PIEZO2: variants seen among roughly 807,000 people sequenced by gnomAD.
The protein encoded by PIEZO2 is piezo type mechanosensitive ion channel component 2, also known as piezo-type mechanosensitive ion channel component 2.
In PIEZO2, 172 loss-of-function variants were observed where a neutral mutation model predicts 337.3. That is an observed-to-expected ratio of 0.51 (90% CI 0.45 to 0.58). The LOEUF is 0.58. PIEZO2 is among the 20% of genes least tolerant of loss of function. The pLI, the probability that PIEZO2 is intolerant of heterozygous loss-of-function variation, is 0.00. For synonymous variants in PIEZO2, 1,251 were observed against 1,228.5 expected (o/e 1.02, Z -0.38); for missense variants, 3,028 against 3,391.3 (o/e 0.89, Z 2.66).
intron 1 of PIEZO2, among the ~76,000 whole-genome samples, chr18:11,120,873 T>C (rs898195850): frequency 2.0e-5 from 3 of 152,268 alleles, no homozygotes; most frequent in Non-Finnish European, 2.9e-5. Flanking sequence ...CTAAATTTAC[T>C]TGCAATTTTT....
chr18:10,918,746 T>G (rs1294522328), intron 3 of PIEZO2, among the ~76,000 whole-genome samples: 3 of 152,074 alleles, frequency 2.0e-5, no homozygotes, highest in Non-Finnish European at 4.4e-5. Context: ...CCTGCTTTAA[T>G]TACATATTAA....
intron 2 of PIEZO2, among the ~76,000 whole-genome samples, chr18:10,989,920 G>C (rs568340072): frequency 1.3e-5 from 2 of 151,978 alleles, no homozygotes; most frequent in African/African-American, 2.4e-5. Context: ...CTAATTCTCC[G>C]ACCCAGTCAT....
intron 36 of PIEZO2, chr18:10,725,556 G>T (rs367799109): frequency 1.5e-6 from 2 of 1,373,920 alleles, no homozygotes; most frequent in Non-Finnish European, 2.0e-6. Flanking sequence ...TCCCCCTTTT[G>T]TTTCTCCCCT....
intron 5 of PIEZO2, among the ~76,000 whole-genome samples, chr18:10,860,039 T>C (rs963672810): frequency 1.3e-5 from 2 of 152,152 alleles, no homozygotes; most frequent in South Asian, 2.1e-4. Context: ...GGGAGGCAGA[T>C]TGGAGACGGA....
At chr18:11,039,269 G>A (rs911789056) in intron 2 of PIEZO2, among the ~76,000 whole-genome samples, 2 of 152,170 alleles carry the variant, frequency 1.3e-5, no homozygotes, top group Non-Finnish European at 2.9e-5. Flanking sequence ...CACATGCATT[G>A]ACTTTAATTT....
chr18:11,013,751 A>T (rs1363930422), intron 2 of PIEZO2, among the ~76,000 whole-genome samples: 2 of 152,216 alleles, frequency 1.3e-5, no homozygotes, highest in South Asian at 2.1e-4. Flanking sequence ...GAGACCTAAT[A>T]AGAAACTAAA....
rs1433720276 is a variant in PIEZO2, at chr18:10,813,969, A to G, written c.918-6695T>C. Among the ~76,000 whole-genome samples the G allele has an allele frequency of 2.0e-5, 3 of 149,572 alleles. No homozygotes were observed. The highest frequency in any genetic ancestry group is 7.4e-5 in the African/African-American group (3 of 40,670). ...TAATAGGTGTGAGATGGGACACCAT[A>G]TATTTTTTTTTTTTTTGAGATGGAG... On this transcript the variant is annotated intron_variant, in intron 7 of 55. Transcript: ENST00000674853. This position sits in a 1 kb window ranked among gnomAD's most constrained non-coding sequence, Gnocchi z 4.2.
intron 3 of PIEZO2, among the ~76,000 whole-genome samples, chr18:10,941,453 C>A (rs1007425820): frequency 6.6e-6 from 1 of 152,164 alleles, no homozygotes; most frequent in Non-Finnish European, 1.5e-5. Flanking sequence ...TGGAAATGAA[C>A]CCCACACAAA....
At chr18:10,738,886 G>C (rs928813190) in intron 33 of PIEZO2, 2 of 152,184 alleles carry the variant, frequency 1.3e-5, no homozygotes, top group African/African-American at 4.8e-5. Flanking sequence ...AGGTATGGAA[G>C]TAGGAAATCT....
At chr18:10,944,488 C>CATATAT (rs768935656) in intron 3 of PIEZO2, among the ~76,000 whole-genome samples, 3 of 132,890 alleles carry the variant, frequency 2.3e-5, no homozygotes, top group Non-Finnish European at 4.8e-5. Flanking sequence ...ATCTTAGTAA[C>CATATAT]ATATATATAT....
At chr18:10,915,810 T>C (rs913890331) in intron 3 of PIEZO2, among the ~76,000 whole-genome samples, 1 of 152,160 alleles carries the variant, frequency 6.6e-6, no homozygotes, top group Non-Finnish European at 1.5e-5. Context: ...TTGGTCTCAC[T>C]GACTTCAAGA....
chr18:10,745,580 TG>T (rs377495849), intron 30 of PIEZO2, among the ~76,000 whole-genome samples: 8 of 152,302 alleles, frequency 5.3e-5, no homozygotes, highest in African/African-American at 1.9e-4. Context: ...GACTTCCACT[TG>T]GAAAGAATCT....
At chr18:10,691,533 T>C (rs2034827176) in intron 47 of PIEZO2, 150 bp from the exon 48 acceptor site, 1 of 765,470 alleles carries the variant, frequency 1.3e-6, no homozygotes, top group South Asian at 2.2e-5. Context: ...AGTGGATCAC[T>C]TCAAAGGCAA....
At chr18:11,093,538 C>T (rs7239166) in intron 1 of PIEZO2, among the ~76,000 whole-genome samples, 70,105 of 148,964 alleles carry the variant, frequency 0.47, 17,984 homozygotes, top group Non-Finnish European at 0.59. Context: ...TGTCGAAAGA[C>T]GGATTTCTCC....
At chr18:10,881,264 G>A (rs1346113522) in intron 4 of PIEZO2, among the ~76,000 whole-genome samples, 1 of 152,062 alleles carries the variant, frequency 6.6e-6, no homozygotes, top group Non-Finnish European at 1.5e-5. Context: ...ATTTTACATT[G>A]GTGGCCGGAT....
intron 36 of PIEZO2, among the ~76,000 whole-genome samples, chr18:10,721,672 G>T (rs1486504477): frequency 6.6e-6 from 1 of 151,988 alleles, no homozygotes. Flanking sequence ...TTGACTCAAA[G>T]CGAGACAATA....
chr18:10,691,418 A>G (rs1422765677), intron 47 of PIEZO2, 35 bp from the exon 48 acceptor site: 1 of 1,593,860 alleles, frequency 6.3e-7, no homozygotes, highest in South Asian at 1.1e-5. Flanking sequence ...GAAGCAATGA[A>G]ATACTCTTCT....
At position 10,979,417 on chromosome 18, in the gene PIEZO2, G is replaced by GAATTTTAT. The variant is rs1408171581; in HGVS notation, c.286+110_286+117dup. 3.1e-5 allele frequency: 36 copies of GAATTTTAT among 1,164,442 alleles called. 1 individual carries two copies. In the South Asian group the frequency reaches 8.6e-4, roughly 28 times the overall value. The allele number at this position is 1,164,442 out of a possible 1,614,324, so 72.1% of individuals were successfully genotyped here. ...ATTGCCAAAGACCAAAAATTTCCAT[G>GAATTTTAT]AATTTTATAATTTAATTATTGCATA... On this transcript the variant is annotated intron_variant, in intron 3 of 55. Transcript: ENST00000674853. This position sits in a 1 kb window ranked among gnomAD's most constrained non-coding sequence, Gnocchi z 4.0.
intron 36 of PIEZO2, among the ~76,000 whole-genome samples, chr18:10,720,234 G>GTATATATATATATATATATATATATATA (rs371910207): frequency 1.7e-5 from 2 of 119,850 alleles, no homozygotes; most frequent in East Asian, 2.9e-4. Flanking sequence ...GTGTGTGTGT[G>GTATATATATATATATATATATATATATA]TATATATATA....
Sources: allele counts gnomAD v4.1 joint callset (sites outside exome capture counted in the v4.1 genomes callset), GRCh38; gene constraint gnomAD v4.1.1; non-coding constraint Gnocchi (gnomAD v3.1); transcripts MANE v1.5; gene names NCBI Gene and HGNC (gene_info 2026-07-23, HGNC 2026-07-21).